USP34: variants seen among roughly 807,000 people sequenced by gnomAD.
USP34 encodes the protein ubiquitin specific peptidase 34.
A neutral mutation model predicts 460.3 loss-of-function variants in USP34; 70 were observed. The observed-to-expected ratio is 0.15, with a 90% CI of 0.13 to 0.19. The LOEUF is 0.19. Ranked by LOEUF, USP34 falls within the 10% of genes least tolerant of loss-of-function variation. The pLI, the probability that USP34 is intolerant of heterozygous loss-of-function variation, is 1.00. For synonymous variants in USP34, 1,647 were observed against 1,405.3 expected, an observed-to-expected ratio of 1.17 and a Z score of -3.85; for missense variants, 3,985 against 4,236.2, an observed-to-expected ratio of 0.94 and a Z score of 1.65.
chr2:61,375,209 C>T (rs1035764389), intron 8 of USP34, among the ~76,000 whole-genome samples: 1 of 152,154 alleles, frequency 6.6e-6, no homozygotes, highest in Non-Finnish European at 1.5e-5. Flanking sequence ...TGCTACTTTA[C>T]ACCCCCTAAA....
At chr2:61,356,475 GCACA>G (rs70963416) in intron 10 of USP34, among the ~76,000 whole-genome samples, 19 of 128,418 alleles carry the variant, frequency 1.5e-4, no homozygotes, top group Non-Finnish European at 2.0e-4. Context: ...GGGTGAAAGC[GCACA>G]CACACACACA....
intron 2 of USP34, among the ~76,000 whole-genome samples, chr2:61,411,427 A>G (rs1388882540): frequency 1.3e-5 from 2 of 152,056 alleles, no homozygotes; most frequent in African/African-American, 2.4e-5. Context: ...TAAGTGAAAT[A>G]TATGACTTAA....
chr2:61,205,120 G>A (rs911487164), intron 72 of USP34, among the ~76,000 whole-genome samples: 4 of 152,040 alleles, frequency 2.6e-5, no homozygotes, highest in Admixed American at 6.6e-5. Flanking sequence ...TAGACCTCCC[G>A]AACTGCATGG....
At chr2:61,233,656 C>G (rs1394301406) in intron 57 of USP34, among the ~76,000 whole-genome samples, 8 of 151,802 alleles carry the variant, frequency 5.3e-5, no homozygotes, top group Non-Finnish European at 5.9e-5. Context: ...GACTCTGTCT[C>G]TATAAAAAAA....
intron 1 of USP34, among the ~76,000 whole-genome samples, chr2:61,426,803 G>A (rs1460486930): frequency 6.6e-6 from 1 of 152,188 alleles, no homozygotes; most frequent in East Asian, 1.9e-4. Context: ...AGTCATGGTG[G>A]CCACAGGGGT....
chr2:61,303,041 T>C (rs1690277219), intron 27 of USP34, among the ~76,000 whole-genome samples: 1 of 152,180 alleles, frequency 6.6e-6, no homozygotes, highest in Non-Finnish European at 1.5e-5. Flanking sequence ...AGTTTTATTC[T>C]CACATTTTAC....
Position 61,471,034 on chromosome 2 carries a change from G to A in USP34, c.-342C>T, listed in dbSNP as rs569210881. 5.9e-5 allele frequency among the ~76,000 whole-genome samples: 9 copies of A among 151,874 alleles called. No individual in the cohort carries two copies. In the South Asian group the frequency reaches 1.9e-3, roughly 32 times the overall value. On this transcript the variant is annotated 5_prime_UTR_variant, in exon 1 of 80. Transcript: ENST00000398571. Reference sequence around the variant, plus strand: ...AGCAGCAGAGTCACTTCACCGACCAGACGCCGCGGCCACCGCCGACGCCGC... The same window carrying A: ...AGCAGCAGAGTCACTTCACCGACCAAACGCCGCGGCCACCGCCGACGCCGC...
Position 61,266,072 on chromosome 2 carries a change from G to A in USP34, c.5529C>T (p.Ala1843=), listed in dbSNP as rs749236170. Reference sequence around the variant, plus strand: ...CCATCTCTACTAACAAATCGTAAGCGGCAGCTCTTGAAGAATGTGATTTGC... The same window carrying A: ...CCATCTCTACTAACAAATCGTAAGCAGCAGCTCTTGAAGAATGTGATTTGC... ...PKCKSHSSRA[A]AYDLLVEMVK... The change falls in exon 42 of 80, where the codon GCC becomes GCT. Residue 1843 remains alanine (A), a synonymous_variant. Coordinates refer to ENST00000398571, the MANE Select transcript of USP34 (RefSeq NM_014709.4). 1.9e-5 allele frequency: 31 copies of A among 1,613,738 alleles called. No individual in the cohort carries two copies. Among genetic ancestry groups the A allele is most frequent in the African/African-American group, 5.3e-5 (4 of 74,906 alleles).
chr2:61,350,228 C>T (rs774215789), intron 12 of USP34, 32 bp downstream of exon 12: 1 of 1,562,538 alleles, frequency 6.4e-7, no homozygotes, highest in East Asian at 2.3e-5. Flanking sequence ...AAGCTCTCAA[C>T]AATTTACTTC....
chr2:61,311,921 A>T lies in USP34; in HGVS notation c.3543-11T>A, dbSNP rs199678682. On this transcript the variant is annotated splice_polypyrimidine_tract_variant and intron_variant, in intron 25 of 79. Transcript: ENST00000398571. ...AGATGATATGCAAACCTAAAACATG[A>T]CACAAACAACACATAGAAAGGATAC... The T allele has an allele frequency of 5.0e-5, 81 of 1,610,094 alleles. No individual in the cohort carries two copies. The highest frequency in any genetic ancestry group is 7.6e-6 in the Non-Finnish European group (9 of 1,179,164).
chr2:61,353,724 C>A lies in USP34; in HGVS notation c.1252-3031G>T, dbSNP rs1211917129. On this transcript the variant is annotated intron_variant, in intron 10 of 79. Transcript: ENST00000398571. ...AGGATTACAGGTGTGACTCACCACTCAGCCACTAGACAAAGATTTTAAAAA... is the reference window on the plus strand; with the variant it reads ...AGGATTACAGGTGTGACTCACCACTAAGCCACTAGACAAAGATTTTAAAAA... Among the ~76,000 whole-genome samples, 3 of 152,226 alleles carry A rather than the reference C, an allele frequency of 2.0e-5. No homozygotes were observed. The East Asian group carries it at 5.8e-4, about 29-fold the overall frequency.
chr2:61,453,714 CAAA>C (rs1169951643), intron 1 of USP34, among the ~76,000 whole-genome samples: 786 of 31,826 alleles, frequency 0.025, 4 homozygotes, highest in African/African-American at 0.064. Context: ...CATTCCATCT[CAAA>C]AAAAAAAAAA....
intron 1 of USP34, among the ~76,000 whole-genome samples, chr2:61,456,250 T>C (rs1695435174): frequency 6.6e-6 from 1 of 152,212 alleles, no homozygotes; most frequent in Non-Finnish European, 1.5e-5. Flanking sequence ...GCCAGATTTC[T>C]TTTCCAGAAG....
intron 75 of USP34, among the ~76,000 whole-genome samples, chr2:61,202,762 G>T (rs1027815703): frequency 6.6e-6 from 1 of 152,106 alleles, no homozygotes; most frequent in Admixed American, 6.5e-5. Flanking sequence ...TGGCACTATA[G>T]ATCTCATCGC....
chr2:61,273,840 A>G (rs1298043710), intron 41 of USP34, among the ~76,000 whole-genome samples: 2 of 152,234 alleles, frequency 1.3e-5, no homozygotes, highest in African/African-American at 2.4e-5. Context: ...ATGGTAGTTT[A>G]TTTGAAAAAG....
At chr2:61,375,508 G>A (rs974689408) in intron 8 of USP34, among the ~76,000 whole-genome samples, 4 of 152,040 alleles carry the variant, frequency 2.6e-5, no homozygotes, top group African/African-American at 9.7e-5. Flanking sequence ...GGTGGCTCAC[G>A]CCTGTAATCC....
chr2:61,303,405 G>C (rs1019858879), intron 27 of USP34, among the ~76,000 whole-genome samples: 6 of 151,910 alleles, frequency 3.9e-5, no homozygotes, highest in Admixed American at 1.3e-4. Context: ...TTATATACTT[G>C]ATTTAGTGTC....
At chr2:61,258,653 A>C (rs894342911) in intron 44 of USP34, among the ~76,000 whole-genome samples, 2 of 152,068 alleles carry the variant, frequency 1.3e-5, no homozygotes, top group Non-Finnish European at 2.9e-5. Context: ...GGGGGAAAAA[A>C]CCCAGAGGGT....
At chr2:61,269,821 T>C (rs1689159917) in intron 41 of USP34, among the ~76,000 whole-genome samples, 2 of 152,064 alleles carry the variant, frequency 1.3e-5, no homozygotes, top group Non-Finnish European at 2.9e-5. Context: ...TAATGGAATA[T>C]ATTATATTTT....
Sources: allele counts gnomAD v4.1 joint callset (sites outside exome capture counted in the v4.1 genomes callset), GRCh38; gene constraint gnomAD v4.1.1; transcripts MANE v1.5; gene names NCBI Gene and HGNC (gene_info 2026-07-23, HGNC 2026-07-21).